SMCHD1: variants seen among roughly 807,000 people sequenced by gnomAD.
SMCHD1 encodes structural maintenance of chromosomes flexible hinge domain-containing protein 1.
A neutral mutation model predicts 254.7 loss-of-function variants in SMCHD1; 78 were observed. The ratio of observed to expected loss-of-function variants is 0.31; its 90% CI spans 0.26 to 0.37. The LOEUF is 0.37. Ranked by LOEUF, SMCHD1 falls within the 10% of genes least tolerant of loss-of-function variation. The probability of loss-of-function intolerance (pLI) is 1.00; values close to 1 mark genes in which losing one functional copy is unlikely to be tolerated. For synonymous variants in SMCHD1, 766 were observed against 794.9 expected, an observed-to-expected ratio of 0.96 and a Z score of 0.61; for missense variants, 1,840 against 2,408.1, an observed-to-expected ratio of 0.76 and a Z score of 4.94.
intron 37 of SMCHD1, among the ~76,000 whole-genome samples, chr18:2,768,389 C>T (rs573761886): frequency 6.6e-6 from 1 of 152,130 alleles, no homozygotes; most frequent in South Asian, 2.1e-4. Context: ...GAATTGGGCA[C>T]TCCCATATAC....
intron 33 of SMCHD1, among the ~76,000 whole-genome samples, chr18:2,751,597 T>C (rs761483572): frequency 1.2e-4 from 18 of 152,174 alleles, no homozygotes; most frequent in Non-Finnish European, 2.5e-4. Flanking sequence ...GTAGTCTACA[T>C]TGTGATGTTT....
chr18:2,780,234 T>TAG (rs2076132266), intron 44 of SMCHD1, among the ~76,000 whole-genome samples: 1 of 39,652 alleles, frequency 2.5e-5, no homozygotes. Flanking sequence ...AGCAAGACTC[T>TAG]ATCTAAAAAA....
chr18:2,669,153 C>G (rs2073525796), intron 3 of SMCHD1, among the ~76,000 whole-genome samples: 1 of 144,788 alleles, frequency 6.9e-6, no homozygotes, highest in African/African-American at 2.5e-5. Context: ...TAGGACCGGC[C>G]TGGGGGACAT....
chr18:2,736,653 A>G (rs2075255664), intron 25 of SMCHD1, among the ~76,000 whole-genome samples: 1 of 139,724 alleles, frequency 7.2e-6, no homozygotes, highest in African/African-American at 2.5e-5. Context: ...AAAATGTTCA[A>G]CATCATAATC....
chr18:2,747,867 T>C (rs2075485598), intron 30 of SMCHD1, among the ~76,000 whole-genome samples: 1 of 152,220 alleles, frequency 6.6e-6, no homozygotes, highest in Non-Finnish European at 1.5e-5. Context: ...TGTACAGTTA[T>C]GGCTGTTTTA....
At chr18:2,739,183 G>A (rs2075303337) in intron 26 of SMCHD1, among the ~76,000 whole-genome samples, 1 of 152,094 alleles carries the variant, frequency 6.6e-6, no homozygotes, top group South Asian at 2.1e-4. Context: ...TTTTAATCCA[G>A]CATAAATACT....
intron 7 of SMCHD1, chr18:2,691,584 G>A (rs1345556046): frequency 6.6e-6 from 1 of 152,202 alleles, no homozygotes; most frequent in East Asian, 1.9e-4. Context: ...TCAATACTGA[G>A]ACACTGAATC....
At chr18:2,696,416 A>G (rs2143138917) in intron 8 of SMCHD1, among the ~76,000 whole-genome samples, 1 of 152,258 alleles carries the variant, frequency 6.6e-6, no homozygotes, top group African/African-American at 2.4e-5. Context: ...CACGAACCCT[A>G]ATGTGAACTG....
At chr18:2,759,310 A>G (rs1188378174) in intron 34 of SMCHD1, among the ~76,000 whole-genome samples, 3 of 152,092 alleles carry the variant, frequency 2.0e-5, no homozygotes, top group African/African-American at 7.2e-5. Context: ...ACATGATTCA[A>G]AGGAAGTTGC....
chr18:2,748,380 G>GTGTGTGTGTGTGTGTGTGTGTA (rs561439889), intron 30 of SMCHD1, among the ~76,000 whole-genome samples: 3 of 80,278 alleles, frequency 3.7e-5, no homozygotes, highest in African/African-American at 2.1e-4. Flanking sequence ...GTGTGTGTGT[G>GTGTGTGTGTGTGTGTGTGTGTA]TGTATATAAA....
chr18:2,771,621 A>G lies in SMCHD1; in HGVS notation c.5052+3A>G. 1 of 1,528,106 alleles carries G rather than the reference A, an allele frequency of 6.5e-7. No individual in the cohort carries two copies. Among genetic ancestry groups the G allele is most frequent in the African/African-American group, 1.4e-5 (1 of 69,282 alleles). The allele number at this position is 1,528,106 out of a possible 1,614,324, so 94.7% of individuals were successfully genotyped here. ...TTGACATTCCTACAACACAACAGGT[A>G]CAGCTTCCAACTATACGTGAAAGAT... On this transcript the variant is annotated splice_donor_region_variant and intron_variant, in intron 40 of 47. Transcript: ENST00000320876.
rs536741236 is a variant in SMCHD1 at position 2,656,275 on chromosome 18, C to A, written c.186+14C>A. ...TGTGTGTGTCAGGTACGCGAAGGGG[C>A]GAGGAAGGGATGCGCGTGTAGACTT... On this transcript the variant is annotated intron_variant, in intron 1 of 47. Coordinates refer to ENST00000320876, the MANE Select transcript of SMCHD1 (RefSeq NM_015295.3). The A allele has an allele frequency of 3.1e-5, 46 of 1,473,032 alleles. 2 individuals are homozygous for A. The South Asian group carries it at 6.0e-4, about 19-fold the overall frequency. 91.2% of individuals were successfully genotyped at this position (1,473,032 alleles called of 1,614,324 possible).
intron 34 of SMCHD1, among the ~76,000 whole-genome samples, chr18:2,759,896 T>C (rs75842638): frequency 0.031 from 4,736 of 152,230 alleles, 243 homozygotes; most frequent in African/African-American, 0.11. Flanking sequence ...TATAACTTTC[T>C]TAGGAATTAC....
chr18:2,748,620 C>G (rs2075514484), intron 30 of SMCHD1, among the ~76,000 whole-genome samples: 1 of 151,884 alleles, frequency 6.6e-6, no homozygotes, highest in African/African-American at 2.4e-5. Context: ...GTCTCAAACT[C>G]TTGACCGCGG....
intron 5 of SMCHD1, among the ~76,000 whole-genome samples, chr18:2,684,465 T>C (rs2143918042): frequency 6.6e-6 from 1 of 152,276 alleles, no homozygotes; most frequent in East Asian, 1.9e-4. Context: ...TAAATGTTTT[T>C]CCAACCTCTT....
intron 30 of SMCHD1, among the ~76,000 whole-genome samples, chr18:2,749,286 C>G (rs2075527060): frequency 6.6e-6 from 1 of 152,170 alleles, no homozygotes; most frequent in Non-Finnish European, 1.5e-5. Context: ...ACCATTATTA[C>G]CTACTCTTTA....
chr18:2,724,825 A>G (rs770386680), intron 20 of SMCHD1, 74 bp from the exon 21 acceptor site: 6 of 681,740 alleles, frequency 8.8e-6, no homozygotes, highest in Non-Finnish European at 1.4e-5. Flanking sequence ...AATGTCACAT[A>G]GGAAAGCAAA....
At chr18:2,664,867 A>T (rs1247098055) in intron 1 of SMCHD1, among the ~76,000 whole-genome samples, 1 of 152,228 alleles carries the variant, frequency 6.6e-6, no homozygotes, top group Admixed American at 6.5e-5. Context: ...AGTACCATTG[A>T]TACAAGAAAA....
At position 2,743,934 on chromosome 18, in the gene SMCHD1, T is replaced by G. The variant is rs758262998; in HGVS notation, c.3801+6T>G. Reference sequence around the variant, plus strand: ...ACTGGCCAGAACTAAAGGAGGTAAGTCACTTCATGTCTTCACTGAAAGAAT... The same window carrying G: ...ACTGGCCAGAACTAAAGGAGGTAAGGCACTTCATGTCTTCACTGAAAGAAT... On this transcript the variant is annotated splice_donor_region_variant and intron_variant, in intron 29 of 47. Coordinates refer to ENST00000320876, the MANE Select transcript of SMCHD1 (RefSeq NM_015295.3). The G allele has an allele frequency of 1.3e-6, 2 of 1,584,784 alleles. No individual in the cohort carries two copies. Among genetic ancestry groups the G allele is most frequent in the Non-Finnish European group, 8.6e-7 (1 of 1,165,748 alleles).
Sources: gnomAD v4.1 joint callset for allele counts (sites outside exome capture counted in the v4.1 genomes callset) on GRCh38, gnomAD v4.1.1 for gene constraint, MANE v1.5 for transcripts, NCBI Gene and HGNC (gene_info 2026-07-23, HGNC 2026-07-21) for gene names.